Variants in LMNA observed in about 807,000 individuals in gnomAD.
LMNA encodes lamin A/C.
A neutral mutation model predicts 70.4 loss-of-function variants in LMNA; 20 were observed. The observed-to-expected ratio is 0.28, with a 90% CI of 0.20 to 0.41. The LOEUF (loss-of-function observed/expected upper bound fraction) is 0.41, where lower values mean the gene tolerates loss of function less well. Ranked by LOEUF, LMNA falls within the 10% of genes least tolerant of loss-of-function variation. The pLI is 1.00. For synonymous variants in LMNA, 339 were observed against 372.8 expected, an observed-to-expected ratio of 0.91 and a Z score of 1.04; for missense variants, 652 against 917.2, an observed-to-expected ratio of 0.71 and a Z score of 3.73.
intron 3 of LMNA, among the ~76,000 whole-genome samples, chr1:156,092,951 C>T (rs908766577): frequency 1.4e-5 from 2 of 146,076 alleles, no homozygotes; most frequent in Non-Finnish European, 3.0e-5. Flanking sequence ...TGCAGTGGTG[C>T]GATCTCGGCT....
chr1:156,098,655 C>T (rs900643605), intron 3 of LMNA, among the ~76,000 whole-genome samples: 1 of 152,142 alleles, frequency 6.6e-6, no homozygotes, highest in South Asian at 2.1e-4. Flanking sequence ...ACTCAGGATA[C>T]CCTACCTGCA....
At position 156,120,584 on chromosome 1, in the gene LMNA, A is replaced by G. The variant is rs565491315; in HGVS notation, c.356+5310A>G. On this transcript the variant is annotated intron_variant, in intron 1 of 11. Coordinates refer to ENST00000368300, the MANE Select transcript of LMNA (RefSeq NM_170707.4). ...TTCTGTACAAAAAAATTAGCCGGTC[A>G]ACACCTGTAGTCCAGCTGCTTGGGA... Among the ~76,000 whole-genome samples the G allele has an allele frequency of 4.6e-5, 7 of 152,286 alleles. No individual in the cohort carries two copies. In the South Asian group the frequency reaches 1.5e-3, roughly 32 times the overall value.
Position 156,138,307 on chromosome 1 carries a change from T to C in LMNA, c.1699-181T>C. 1.6e-6 allele frequency: 1 copy of C among 630,918 alleles called. No individual in the cohort carries two copies. 39.1% of individuals were successfully genotyped at this position (630,918 alleles called of 1,614,324 possible). A position where few individuals can be genotyped will look rare whatever the true frequency, so the allele number is the denominator to read the frequency against. ...TTCCTGAGCCTTCTCCCCTTTTATGTCTTCCCTCTCCTCCTCCGGGCCCCT... is the reference window on the plus strand; with the variant it reads ...TTCCTGAGCCTTCTCCCCTTTTATGCCTTCCCTCTCCTCCTCCGGGCCCCT... On this transcript the variant is annotated intron_variant, in intron 10 of 11. Coordinates refer to ENST00000368300, the MANE Select transcript of LMNA (RefSeq NM_170707.4). This position sits in a 1 kb window ranked among gnomAD's most constrained non-coding sequence, Gnocchi z 5.5.
At position 156,115,308 on chromosome 1, in the gene LMNA, G is replaced by T; in HGVS notation, c.356+34G>T. 6.4e-7 allele frequency: 1 copy of T among 1,565,832 alleles called. No homozygotes were observed. The highest frequency in any genetic ancestry group is 2.3e-5 in the East Asian group (1 of 43,942). On this transcript the variant is annotated intron_variant, in intron 1 of 11. Transcript: ENST00000368300. This position sits in a 1 kb window ranked among gnomAD's most constrained non-coding sequence, Gnocchi z 5.8. The stretch of plus-strand genomic sequence containing the variant: ...GCCCAGGTGGCTGCGTGCCTGGCGG[G>T]GAGTGGAGAGGGCGGCGGGCCGGCG...
chr1:156,084,328 C>CTGGG (rs1553259231), intron 2 of LMNA, among the ~76,000 whole-genome samples: 1 of 90,978 alleles, frequency 1.1e-5, no homozygotes, highest in African/African-American at 3.8e-5. Flanking sequence ...CTCAGAAGGT[C>CTGGG]GGGGGGTGGT....
At position 156,103,310 on chromosome 1, in the gene LMNA, AC is replaced by A. The variant is rs541064402; in HGVS notation, c.-206-11398del. On this transcript the variant is annotated intron_variant, in intron 3 of 12. Coordinates refer to the LMNA transcript ENST00000368301. The surrounding 1 kb of genome is among the most constrained non-coding windows in gnomAD (Gnocchi z 4.7). ...GCTGAGGGTGAGAAGCCAGCGATCG[AC>A]CCCCAGGGAGAAGTCTTGCAGAGGA... Among the ~76,000 whole-genome samples the A allele has an allele frequency of 1.6e-4, 24 of 151,930 alleles. No individual in the cohort carries two copies. In the East Asian group the frequency reaches 4.3e-3, roughly 27 times the overall value.
At chr1:156,104,763 A>T (rs138487552) in intron 3 of LMNA, among the ~76,000 whole-genome samples, 1 of 152,142 alleles carries the variant, frequency 6.6e-6, no homozygotes, top group Non-Finnish European at 1.5e-5. Context: ...TTCCTCCAAC[A>T]GGAAACACAC....
At chr1:156,083,515 A>G (rs976493499) in intron 2 of LMNA, 2 of 152,626 alleles carry the variant, frequency 1.3e-5, no homozygotes, top group African/African-American at 4.8e-5. Flanking sequence ...TTGAAAACCT[A>G]TTCAGGGCCG....
intron 1 of LMNA, chr1:156,126,808 G>A (rs780309198): frequency 1.9e-6 from 3 of 1,610,126 alleles, no homozygotes; most frequent in South Asian, 2.2e-5. Flanking sequence ...CTGGGATGCA[G>A]CCACTCCTGT....
intron 3 of LMNA, among the ~76,000 whole-genome samples, chr1:156,099,867 C>CAAAAA (rs57524097): frequency 8.0e-5 from 8 of 100,268 alleles, no homozygotes; most frequent in African/African-American, 6.6e-5. Flanking sequence ...GCCTGGGTGA[C>CAAAAA]AAAAAAAAAA....
In LMNA at chr1:156,136,267, C is replaced by T; in HGVS notation, c.1211C>T (p.Ser404Phe). 6.2e-7 allele frequency: 1 copy of T among 1,612,100 alleles called. No individual in the cohort carries two copies. Among genetic ancestry groups the T allele is most frequent in the East Asian group, 2.2e-5 (1 of 44,892 alleles). ...CAGCGCAGCCGTGGCCGTGCTTCCT[C>T]TCACTCATCCCAGACACAGGGTGGG... ...TSQRSRGRAS[S>F]HSSQTQGGGS... The change falls in exon 7 of 12, where the codon TCT becomes TTT. Residue 404 changes from serine (S) to phenylalanine (F), a missense_variant. This residue lies in a region of LMNA where 327 missense variants were observed against 387.6 expected (regional missense o/e 0.84). Coordinates refer to ENST00000368300, the MANE Select transcript of LMNA (RefSeq NM_170707.4). The surrounding 1 kb of genome is among the most constrained non-coding windows in gnomAD (Gnocchi z 6.1).
intron 2 of LMNA, among the ~76,000 whole-genome samples, chr1:156,086,425 T>TCTCTCTCTCTCTCTCTC (rs1553259431): frequency 6.6e-6 from 1 of 151,080 alleles, no homozygotes; most frequent in African/African-American, 2.4e-5. Context: ...TCTCTCTCTC[T>TCTCTCTCTCTCTCTCTC]TTTGTCTTTC....
chr1:156,131,762 T>G (rs984690715), intron 2 of LMNA, among the ~76,000 whole-genome samples: 12 of 152,194 alleles, frequency 7.9e-5, no homozygotes, highest in Admixed American at 1.3e-4. Flanking sequence ...GATCATTTAT[T>G]GAGGCCATCA....
intron 3 of LMNA, among the ~76,000 whole-genome samples, chr1:156,095,066 C>A (rs373713817): frequency 6.6e-6 from 1 of 152,010 alleles, no homozygotes; most frequent in Non-Finnish European, 1.5e-5. Flanking sequence ...GGACTACAGG[C>A]GCACGCCACC....
intron 2 of LMNA, among the ~76,000 whole-genome samples, chr1:156,087,699 C>T (rs1648532668): frequency 6.6e-6 from 1 of 151,878 alleles, no homozygotes; most frequent in Non-Finnish European, 1.5e-5. Context: ...ACCACAGGCA[C>T]ATGCTGCCAT....
intron 2 of LMNA, among the ~76,000 whole-genome samples, chr1:156,083,342 T>TG: frequency 6.6e-6 from 1 of 152,052 alleles, no homozygotes; most frequent in Non-Finnish European, 1.5e-5. Flanking sequence ...CTTAACCGTT[T>TG]GGGGTGAGGG....
chr1:156,135,141 A>G lies in LMNA; in HGVS notation c.811-46A>G. ...ATGCCCAACTCAGGCCTGTGCCTCC[A>G]CCCCTCCCAGTCACCACAGTCCTAA... On this transcript the variant is annotated intron_variant, in intron 4 of 11. Coordinates refer to ENST00000368300, the MANE Select transcript of LMNA (RefSeq NM_170707.4). This position sits in a 1 kb window ranked among gnomAD's most constrained non-coding sequence, Gnocchi z 4.8. The G allele has an allele frequency of 6.2e-7, 1 of 1,613,656 alleles. No individual in the cohort carries two copies. The highest frequency in any genetic ancestry group is 1.6e-4 in the Middle Eastern group (1 of 6,062).
intron 2 of LMNA, among the ~76,000 whole-genome samples, chr1:156,084,676 A>C (rs1367733274): frequency 6.6e-6 from 1 of 152,110 alleles, no homozygotes; most frequent in African/African-American, 2.4e-5. Flanking sequence ...TGCTTTGTGG[A>C]CCAGGTGACT....
At chr1:156,084,328 C>CGGG (rs60777722) in intron 2 of LMNA, among the ~76,000 whole-genome samples, 58 of 90,964 alleles carry the variant, frequency 6.4e-4, no homozygotes, top group Non-Finnish European at 7.7e-4. Flanking sequence ...CTCAGAAGGT[C>CGGG]GGGGGGTGGT....
Sources: gnomAD v4.1 joint callset for allele counts (sites outside exome capture counted in the v4.1 genomes callset) on GRCh38, gnomAD v4.1.1 for gene constraint, gnomAD v4.1.1 regional missense constraint, Gnocchi (gnomAD v3.1) non-coding constraint, MANE v1.5 for transcripts, NCBI Gene and HGNC (gene_info 2026-07-23, HGNC 2026-07-21) for gene names.